The following CDKAL1 variants were observed in gnomAD, a reference collection of about 807,000 sequenced individuals.
The protein encoded by CDKAL1 is threonylcarbamoyladenosine tRNA methylthiotransferase.
CDKAL1 carries 32 observed loss-of-function variants against 68.2 expected under a neutral mutation model. The observed-to-expected ratio is 0.47, with a 90% confidence interval of 0.35 to 0.63. The LOEUF (loss-of-function observed/expected upper bound fraction) is 0.63. Ranked by LOEUF, CDKAL1 falls within the 30% of genes least tolerant of loss-of-function variation. The pLI, the probability that CDKAL1 is intolerant of heterozygous loss-of-function variation, is 0.00. For synonymous variants in CDKAL1, 234 were observed against 244.3 expected, an observed-to-expected ratio of 0.96 and a Z score of 0.39; for missense variants, 606 against 696.7, an observed-to-expected ratio of 0.87 and a Z score of 1.47.
chr6:21,093,245 CA>C (rs925344806), intron 12 of CDKAL1, among the ~76,000 whole-genome samples: 17 of 152,134 alleles, frequency 1.1e-4, no homozygotes, highest in Admixed American at 1.0e-3. Flanking sequence ...CAACAGCACC[CA>C]GAGAAGAAAT....
intron 6 of CDKAL1, among the ~76,000 whole-genome samples, chr6:20,755,328 A>G (rs942465281): frequency 4.6e-5 from 7 of 152,080 alleles, no homozygotes; most frequent in Admixed American, 2.6e-4. Flanking sequence ...TGTTTCAGCA[A>G]CCTATTCCCA....
At chr6:20,904,146 G>T (rs543340276) in intron 9 of CDKAL1, among the ~76,000 whole-genome samples, 9 of 152,278 alleles carry the variant, frequency 5.9e-5, no homozygotes, top group African/African-American at 2.2e-4. Context: ...ATCAAGAGCT[G>T]CAAACAAAGT....
At chr6:21,121,775 G>T (rs766861783) in intron 13 of CDKAL1, among the ~76,000 whole-genome samples, 13 of 152,134 alleles carry the variant, frequency 8.5e-5, no homozygotes, top group Non-Finnish European at 1.5e-4. Context: ...GTTCAATGTT[G>T]TTTTTTTCCC....
At chr6:21,044,778 T>G (rs2150901390) in intron 11 of CDKAL1, among the ~76,000 whole-genome samples, 1 of 147,156 alleles carries the variant, frequency 6.8e-6, no homozygotes, top group South Asian at 2.2e-4. Flanking sequence ...CTCAGAAGGT[T>G]GTTTTGATGT....
intron 8 of CDKAL1, among the ~76,000 whole-genome samples, chr6:20,805,552 G>A (rs999544476): frequency 1.3e-5 from 2 of 152,206 alleles, no homozygotes; most frequent in African/African-American, 4.8e-5. Flanking sequence ...AGATGGCAAA[G>A]CGTTGTGTTT....
chr6:20,639,740 G>A (rs1446821477), intron 4 of CDKAL1, among the ~76,000 whole-genome samples: 1 of 152,112 alleles, frequency 6.6e-6, no homozygotes, highest in Non-Finnish European at 1.5e-5. Flanking sequence ...GTGCGATCTC[G>A]GCTCACTGCA....
chr6:20,604,686 AAGGT>A (rs969353094), intron 4 of CDKAL1, among the ~76,000 whole-genome samples: 6 of 152,176 alleles, frequency 3.9e-5, no homozygotes, highest in African/African-American at 1.4e-4. Flanking sequence ...GCCTAATTGA[AAGGT>A]AGAATGGCTT....
intron 5 of CDKAL1, among the ~76,000 whole-genome samples, chr6:20,698,643 G>T (rs1335695605): frequency 6.6e-6 from 1 of 152,148 alleles, no homozygotes; most frequent in Non-Finnish European, 1.5e-5. Context: ...TTTGGGGGAA[G>T]GCCACGGTGG....
At chr6:20,689,863 T>C (rs892678399) in intron 5 of CDKAL1, among the ~76,000 whole-genome samples, 4 of 152,218 alleles carry the variant, frequency 2.6e-5, no homozygotes, top group African/African-American at 9.6e-5. Flanking sequence ...AATTGAATGA[T>C]AAGAAATTCT....
At chr6:20,798,396 ATATT>A in intron 8 of CDKAL1, among the ~76,000 whole-genome samples, 1 of 152,306 alleles carries the variant, frequency 6.6e-6, no homozygotes, top group Admixed American at 6.5e-5. Context: ...GAAGAAAATA[ATATT>A]TATTAAGAAA....
intron 9 of CDKAL1, among the ~76,000 whole-genome samples, chr6:20,855,052 A>T (rs543794367): frequency 6.6e-6 from 1 of 152,310 alleles, no homozygotes; most frequent in South Asian, 2.1e-4. Context: ...TCACATAGGG[A>T]GTGGTGAGGG....
chr6:21,124,466 C>G (rs1388918674), intron 13 of CDKAL1, among the ~76,000 whole-genome samples: 1 of 152,000 alleles, frequency 6.6e-6, no homozygotes, highest in Non-Finnish European at 1.5e-5. Flanking sequence ...CCCACTATAT[C>G]CAGGACTGAA....
intron 13 of CDKAL1, among the ~76,000 whole-genome samples, chr6:21,192,362 T>A (rs1778291505): frequency 6.6e-6 from 1 of 152,186 alleles, no homozygotes; most frequent in Non-Finnish European, 1.5e-5. Flanking sequence ...AACGTTAAAA[T>A]GATGAAATGA....
intron 13 of CDKAL1, among the ~76,000 whole-genome samples, chr6:21,182,940 CATT>C (rs1272821498): frequency 1.3e-5 from 2 of 152,274 alleles, no homozygotes; most frequent in East Asian, 1.9e-4. Context: ...TTAAAAAAAT[CATT>C]ATCATTACCA....
chr6:20,593,871 GT>G (rs1765703135), intron 4 of CDKAL1, among the ~76,000 whole-genome samples: 2 of 152,244 alleles, frequency 1.3e-5, no homozygotes, highest in African/African-American at 4.8e-5. Flanking sequence ...ATTCTGGTAC[GT>G]TGTGTCTTTG....
At chr6:20,732,268 T>C (rs1462793943) in intron 5 of CDKAL1, among the ~76,000 whole-genome samples, 21 of 107,872 alleles carry the variant, frequency 1.9e-4, no homozygotes, top group Non-Finnish European at 2.9e-4. Flanking sequence ...TCTTTCTTTT[T>C]TTTTTTTTTT....
chr6:21,105,113 TA>T (rs1773783565), intron 12 of CDKAL1, among the ~76,000 whole-genome samples: 1 of 152,258 alleles, frequency 6.6e-6, no homozygotes, highest in African/African-American at 2.4e-5. Flanking sequence ...GATTGAAGTA[TA>T]AGCCAAGAAC....
intron 10 of CDKAL1, among the ~76,000 whole-genome samples, chr6:20,983,217 A>C (rs895174608): frequency 2.1e-4 from 32 of 152,228 alleles, no homozygotes; most frequent in African/African-American, 7.5e-4. Context: ...CATATTGATC[A>C]GTAGCAAAAG....
chr6:20,992,179 G>A (rs1234049126), intron 10 of CDKAL1, among the ~76,000 whole-genome samples: 1 of 143,740 alleles, frequency 7.0e-6, no homozygotes, highest in Non-Finnish European at 1.5e-5. Flanking sequence ...AGGCACACGT[G>A]ACCATAGTCA....
Sources: gnomAD v4.1 joint callset for allele counts (sites outside exome capture counted in the v4.1 genomes callset) on GRCh38, gnomAD v4.1.1 for gene constraint, MANE v1.5 for transcripts, NCBI Gene and HGNC (gene_info 2026-07-23, HGNC 2026-07-21) for gene names.